The following TMC7 variants were observed in gnomAD, a reference collection of about 807,000 sequenced individuals.
TMC7 encodes the protein transmembrane channel like 7.
A neutral mutation model predicts 82.9 loss-of-function variants in TMC7; 54 were observed. The ratio of observed to expected loss-of-function variants is 0.65; its 90% confidence interval spans 0.52 to 0.82. The LOEUF is 0.82. TMC7 is among the 40% of genes least tolerant of loss of function. TMC7 has a pLI of 0.00. For missense variants in TMC7, 820 were observed against 901.2 expected, an observed-to-expected ratio of 0.91 and a Z score of 1.15; for synonymous variants, 350 against 337.9, an observed-to-expected ratio of 1.04 and a Z score of -0.39.
At chr16:18,993,590 C>T (rs996681537) in intron 1 of TMC7, among the ~76,000 whole-genome samples, 3 of 152,118 alleles carry the variant, frequency 2.0e-5, no homozygotes, top group African/African-American at 7.2e-5. Context: ...TAAGTGTTGC[C>T]CTGAGTGATG....
At chr16:19,003,313 C>CA (rs2039173416) in intron 1 of TMC7, among the ~76,000 whole-genome samples, 1 of 151,818 alleles carries the variant, frequency 6.6e-6, no homozygotes, top group Non-Finnish European at 1.5e-5. Context: ...GACCCTATCT[C>CA]AAAAAAAATA....
At position 19,051,775 on chromosome 16, in the gene TMC7, G is replaced by A. The variant is rs1322897305; in HGVS notation, c.1830G>A (p.Gly610=). ...NFFFLLVLLI[G]LCLAIIPLTI... ...TCTTCCTGTTGGTGTTGTTGATCGG[G>A]CTGTGTTTGGCAATAATACCTCTGA... Residue 610 remains glycine, a synonymous_variant, in exon 13 of 16, where the codon GGG becomes GGA. Transcript: ENST00000304381. 1.2e-6 allele frequency: 2 copies of A among 1,614,082 alleles called. No individual in the cohort carries two copies. The highest frequency in any genetic ancestry group is 3.3e-5 in the Admixed American group (2 of 60,000).
At chr16:19,011,250 C>T (rs1364748975) in intron 2 of TMC7, among the ~76,000 whole-genome samples, 7 of 152,136 alleles carry the variant, frequency 4.6e-5, no homozygotes, top group Non-Finnish European at 1.0e-4. Context: ...TGGGTGGTAG[C>T]TTGCCATCTC....
intron 1 of TMC7, among the ~76,000 whole-genome samples, chr16:18,994,094 C>T (rs1219113768): frequency 2.0e-5 from 3 of 151,858 alleles, no homozygotes; most frequent in South Asian, 4.2e-4. Context: ...ATGTGGGAGG[C>T]TGGATTGAAG....
intron 3 of TMC7, among the ~76,000 whole-genome samples, chr16:19,020,488 C>G (rs1475319100): frequency 6.6e-6 from 1 of 152,074 alleles, no homozygotes; most frequent in African/African-American, 2.4e-5. Context: ...GTTAGTGTCT[C>G]TATATAAAAT....
chr16:19,019,099 C>T (rs1959845880), intron 3 of TMC7, among the ~76,000 whole-genome samples: 1 of 152,226 alleles, frequency 6.6e-6, no homozygotes, highest in Non-Finnish European at 1.5e-5. Context: ...ATCTGGCTGC[C>T]TTGGCCTCCC....
chr16:19,014,286 C>T (rs1959555032), intron 2 of TMC7, among the ~76,000 whole-genome samples: 1 of 152,102 alleles, frequency 6.6e-6, no homozygotes, highest in East Asian at 1.9e-4. Flanking sequence ...AAGCATGTCC[C>T]CCTCCCCCAA....
At chr16:19,060,555 A>G (rs1327410957) in intron 15 of TMC7, among the ~76,000 whole-genome samples, 1 of 151,946 alleles carries the variant, frequency 6.6e-6, no homozygotes, top group Non-Finnish European at 1.5e-5. Context: ...CTGAGGTCCT[A>G]TTTAAGGATG....
chr16:19,048,008 T>A (rs528344841), intron 12 of TMC7, among the ~76,000 whole-genome samples: 1 of 152,314 alleles, frequency 6.6e-6, no homozygotes, highest in Admixed American at 6.5e-5. Flanking sequence ...CTACTCTTGA[T>A]GAATTTTTAT....
At chr16:19,005,051 CTTTA>C (rs1358478043) in intron 1 of TMC7, among the ~76,000 whole-genome samples, 2 of 146,062 alleles carry the variant, frequency 1.4e-5, no homozygotes, top group Admixed American at 6.9e-5. Flanking sequence ...ATGTTAAATA[CTTTA>C]TTTTATTTAT....
intron 13 of TMC7, among the ~76,000 whole-genome samples, chr16:19,053,963 G>A (rs1212096405): frequency 3.3e-5 from 5 of 151,210 alleles, no homozygotes; most frequent in Non-Finnish European, 5.9e-5. Context: ...GATTACAGGC[G>A]TGAGCCACCG....
At chr16:19,011,821 T>C (rs906709730) in intron 2 of TMC7, among the ~76,000 whole-genome samples, 1 of 152,190 alleles carries the variant, frequency 6.6e-6, no homozygotes, top group Non-Finnish European at 1.5e-5. Context: ...TGGGTGGTCT[T>C]GTATTCTCAA....
intron 1 of TMC7, among the ~76,000 whole-genome samples, chr16:18,997,116 G>C (rs1324930207): frequency 6.6e-6 from 1 of 152,254 alleles, no homozygotes; most frequent in Non-Finnish European, 1.5e-5. Flanking sequence ...GAGGTCATAG[G>C]TGGATCTCCT....
At chr16:19,017,673 T>TG (rs1207072568) in intron 3 of TMC7, among the ~76,000 whole-genome samples, 1 of 145,556 alleles carries the variant, frequency 6.9e-6, no homozygotes, top group Non-Finnish European at 1.5e-5. Context: ...AACAGTTTTT[T>TG]TTTTTTTTTT....
chr16:19,059,364 T>C, intron 14 of TMC7, 52 bp from the exon 15 acceptor site: 12 of 1,587,414 alleles, frequency 7.6e-6, no homozygotes, highest in Non-Finnish European at 1.0e-5. Flanking sequence ...ATTTTTCTAT[T>C]GGCCTTCAGA....
chr16:19,023,717 G>T (rs1180103075), intron 5 of TMC7, among the ~76,000 whole-genome samples: 1 of 152,194 alleles, frequency 6.6e-6, no homozygotes, highest in Non-Finnish European at 1.5e-5. Context: ...AAAGTACTGG[G>T]GTTATAGGCG....
At chr16:18,995,649 T>G (rs2039031451) in intron 1 of TMC7, among the ~76,000 whole-genome samples, 1 of 152,140 alleles carries the variant, frequency 6.6e-6, no homozygotes, top group Non-Finnish European at 1.5e-5. Context: ...GTTCAGACGT[T>G]TTGAAGTTCT....
At chr16:19,052,506 T>C (rs902307459) in intron 13 of TMC7, among the ~76,000 whole-genome samples, 4 of 152,174 alleles carry the variant, frequency 2.6e-5, no homozygotes, top group African/African-American at 9.7e-5. Context: ...AAATTTTGTT[T>C]CTTCACCTTT....
chr16:18,996,484 C>A (rs960970263), intron 1 of TMC7, among the ~76,000 whole-genome samples: 1 of 152,108 alleles, frequency 6.6e-6, no homozygotes, highest in Non-Finnish European at 1.5e-5. Flanking sequence ...ATAGACAGAT[C>A]GAAAGTGCCA....
Sources: gnomAD v4.1 joint callset for allele counts (sites outside exome capture counted in the v4.1 genomes callset) on GRCh38, gnomAD v4.1.1 for gene constraint, MANE v1.5 for transcripts, NCBI Gene and HGNC (gene_info 2026-07-23, HGNC 2026-07-21) for gene names.